ZBTB44: variants seen among roughly 807,000 people sequenced by gnomAD.
The protein encoded by ZBTB44 is zinc finger and BTB domain containing 44.
In ZBTB44, 15 loss-of-function variants were observed where a neutral mutation model predicts 54.0. The observed-to-expected ratio is 0.28, with a 90% CI of 0.19 to 0.43. The LOEUF (loss-of-function observed/expected upper bound fraction) is 0.43. ZBTB44 is among the 20% of genes least tolerant of loss of function. ZBTB44 has a pLI of 1.00. For synonymous variants in ZBTB44, 230 were observed against 250.1 expected (o/e 0.92, Z 0.76); for missense variants, 487 against 707.1 (o/e 0.69, Z 3.53).
chr11:130,237,779 C>A (rs1358391223), intron 4 of ZBTB44, among the ~76,000 whole-genome samples: 2 of 152,150 alleles, frequency 1.3e-5, no homozygotes, highest in African/African-American at 4.8e-5. Context: ...GACCTATCTA[C>A]AGAAGGGGAA....
At chr11:130,296,486 T>A in intron 1 of ZBTB44, 1 of 1,012,860 alleles carries the variant, frequency 9.9e-7, no homozygotes, top group South Asian at 1.5e-5. Flanking sequence ...GAACACATTG[T>A]GTACGGATGT....
At chr11:130,247,863 T>C (rs1937655703) in intron 2 of ZBTB44, among the ~76,000 whole-genome samples, 1 of 152,238 alleles carries the variant, frequency 6.6e-6, no homozygotes, top group Admixed American at 6.5e-5. Flanking sequence ...TAGAGAGTTA[T>C]CTTTTTAAGT....
At chr11:130,304,276 C>A (rs1942149615) in intron 1 of ZBTB44, among the ~76,000 whole-genome samples, 1 of 152,096 alleles carries the variant, frequency 6.6e-6, no homozygotes, top group Admixed American at 6.5e-5. Context: ...AATGTGGTAG[C>A]ACTTAAAAAG....
intron 1 of ZBTB44, among the ~76,000 whole-genome samples, chr11:130,281,006 G>T (rs1395796910): frequency 1.3e-5 from 2 of 152,110 alleles, no homozygotes; most frequent in Non-Finnish European, 2.9e-5. Flanking sequence ...CCAGGTTGGG[G>T]AAGTTCTCTC....
chr11:130,267,043 T>C (rs1033113445), intron 1 of ZBTB44, among the ~76,000 whole-genome samples: 1 of 152,144 alleles, frequency 6.6e-6, no homozygotes, highest in East Asian at 1.9e-4. Flanking sequence ...GGTGGGTGGA[T>C]GGCTTGAGCT....
intron 1 of ZBTB44, among the ~76,000 whole-genome samples, chr11:130,299,259 C>T (rs1941856108): frequency 6.6e-6 from 1 of 152,096 alleles, no homozygotes; most frequent in Non-Finnish European, 1.5e-5. Flanking sequence ...TATGTTCTTT[C>T]ACCAAAACAG....
chr11:130,240,091 G>A (rs1185426167), intron 2 of ZBTB44, among the ~76,000 whole-genome samples, 195 bp from the exon 3 acceptor site: 1 of 148,604 alleles, frequency 6.7e-6, no homozygotes, highest in Non-Finnish European at 1.5e-5. Context: ...GCCCAGGCTG[G>A]AGTGCGGTGG....
chr11:130,260,766 T>C, intron 2 of ZBTB44, 90 bp downstream of exon 2: 1 of 1,396,350 alleles, frequency 7.2e-7, no homozygotes, highest in Non-Finnish European at 9.5e-7. Flanking sequence ...ATTTCCTATA[T>C]GACCGAGCAC....
intron 1 of ZBTB44, among the ~76,000 whole-genome samples, chr11:130,271,075 C>T (rs1462509162): frequency 2.0e-5 from 3 of 152,010 alleles, no homozygotes; most frequent in Admixed American, 6.6e-5. Context: ...TTCTCTCGAC[C>T]CTGTCCAGTA....
At chr11:130,238,694 G>C (rs374038218) in intron 3 of ZBTB44, 87 bp from the exon 4 acceptor site, 7 of 1,284,216 alleles carry the variant, frequency 5.5e-6, no homozygotes, top group East Asian at 5.6e-5. Context: ...AATGAAAAAA[G>C]ATAAAACACT....
chr11:130,275,655 G>A (rs1380852894), intron 1 of ZBTB44, among the ~76,000 whole-genome samples: 1 of 151,830 alleles, frequency 6.6e-6, no homozygotes, highest in East Asian at 1.9e-4. Context: ...TTGAGACAGA[G>A]TCTCACTCTG....
At chr11:130,308,015 C>T (rs957549846) in intron 1 of ZBTB44, among the ~76,000 whole-genome samples, 43 of 152,268 alleles carry the variant, frequency 2.8e-4, no homozygotes, top group African/African-American at 8.4e-4. Context: ...CATGAGCCAC[C>T]GTGCGCAACC....
At chr11:130,254,319 A>T (rs928213896) in intron 2 of ZBTB44, among the ~76,000 whole-genome samples, 2 of 152,156 alleles carry the variant, frequency 1.3e-5, no homozygotes, top group Non-Finnish European at 2.9e-5. Context: ...AATCTACTCA[A>T]CTGACAAAGG....
At chr11:130,248,477 C>T (rs1937716195) in intron 2 of ZBTB44, among the ~76,000 whole-genome samples, 1 of 151,800 alleles carries the variant, frequency 6.6e-6, no homozygotes, top group Non-Finnish European at 1.5e-5. Flanking sequence ...CCTGTCTCTA[C>T]TAAAAATACA....
chr11:130,300,267 C>T (rs1592067272), intron 1 of ZBTB44, among the ~76,000 whole-genome samples: 1 of 152,186 alleles, frequency 6.6e-6, no homozygotes, highest in Admixed American at 6.5e-5. Context: ...TGTGAATGTA[C>T]TTAATGCCAC....
intron 1 of ZBTB44, among the ~76,000 whole-genome samples, chr11:130,283,998 A>AAAAAAAAAAAAAAAAAAAG (rs1940741894): frequency 7.8e-6 from 1 of 128,388 alleles, no homozygotes; most frequent in African/African-American, 3.0e-5. Context: ...AAAAAAAAAA[A>AAAAAAAAAAAAAAAAAAAG]GGCAAGCAGC....
chr11:130,254,630 C>T lies in ZBTB44; in HGVS notation c.1018+6226G>A, dbSNP rs991264865. ...GAACACTTTTACACTGTTGGTGGGA[C>T]TGTAAACTGGTTCAACCATTGTGGA... On this transcript the variant is annotated intron_variant, in intron 2 of 7. Transcript: ENST00000357899. Among the ~76,000 whole-genome samples the T allele has an allele frequency of 2.8e-3, 432 of 152,300 alleles. 2 individuals carry two copies. Among genetic ancestry groups the T allele is most frequent in the Non-Finnish European group, 4.4e-3 (299 of 68,030 alleles).
chr11:130,297,334 T>C (rs1429584467), intron 1 of ZBTB44, among the ~76,000 whole-genome samples: 6 of 152,250 alleles, frequency 3.9e-5, no homozygotes, highest in Non-Finnish European at 8.8e-5. Context: ...CCCTCCCTCA[T>C]ACACACAAAT....
intron 1 of ZBTB44, among the ~76,000 whole-genome samples, chr11:130,272,240 AAG>A (rs568111250): frequency 7.2e-5 from 11 of 152,180 alleles, no homozygotes; most frequent in East Asian, 1.9e-4. Context: ...CAAAAAAAAA[AAG>A]AGTGTATGAG....
Sources: allele counts gnomAD v4.1 joint callset (sites outside exome capture counted in the v4.1 genomes callset), GRCh38; gene constraint gnomAD v4.1.1; transcripts MANE v1.5; gene names NCBI Gene and HGNC (gene_info 2026-07-23, HGNC 2026-07-21).